The following MAD1L1 variants were observed in gnomAD, a reference collection of about 807,000 sequenced individuals.
The protein encoded by MAD1L1 is mitotic spindle assembly checkpoint protein MAD1.
A neutral mutation model predicts 96.9 loss-of-function variants in MAD1L1; 95 were observed. That is an observed-to-expected ratio of 0.98 (90% CI 0.83 to 1.16). MAD1L1 has a LOEUF of 1.16. Among genes scored for constraint, MAD1L1 ranks in the 50% most tolerant of loss-of-function variants. The probability of loss-of-function intolerance (pLI) is 0.00; values close to 1 mark genes in which losing one functional copy is unlikely to be tolerated. For missense variants in MAD1L1, 1,007 were observed against 954.4 expected (o/e 1.06, Z -0.73); for synonymous variants, 473 against 396.6 (o/e 1.19, Z -2.29).
At chr7:1,902,604 C>T (rs943882355) in intron 17 of MAD1L1, among the ~76,000 whole-genome samples, 7 of 152,254 alleles carry the variant, frequency 4.6e-5, no homozygotes, top group Admixed American at 2.0e-4. Context: ...TGTCCACTTC[C>T]GCCCTTCCCC....
chr7:2,191,536 G>C (rs1366632142), intron 10 of MAD1L1, among the ~76,000 whole-genome samples: 1 of 152,140 alleles, frequency 6.6e-6, no homozygotes, highest in Non-Finnish European at 1.5e-5. Flanking sequence ...TTCGAGACCA[G>C]TCTGGCCAAC....
At chr7:2,131,390 G>A (rs575424215) in intron 11 of MAD1L1, among the ~76,000 whole-genome samples, 4 of 152,326 alleles carry the variant, frequency 2.6e-5, no homozygotes, top group South Asian at 4.1e-4. Context: ...GAGGAAATAC[G>A]GAAAGGCAGT....
At chr7:2,196,819 C>G (rs1004513514) in intron 10 of MAD1L1, among the ~76,000 whole-genome samples, 1 of 152,214 alleles carries the variant, frequency 6.6e-6, no homozygotes, top group Non-Finnish European at 1.5e-5. Flanking sequence ...ACTCTCACTA[C>G]AACGCGGCTG....
At chr7:2,105,256 G>A (rs1435836086) in intron 11 of MAD1L1, among the ~76,000 whole-genome samples, 5 of 152,090 alleles carry the variant, frequency 3.3e-5, no homozygotes, top group South Asian at 2.1e-4. Flanking sequence ...ACTAACACAC[G>A]AGCTGGCTTC....
intron 11 of MAD1L1, among the ~76,000 whole-genome samples, chr7:2,096,368 G>C (rs916626853): frequency 2.0e-5 from 3 of 152,188 alleles, no homozygotes; most frequent in African/African-American, 4.8e-5. Context: ...GGGTGGCGGG[G>C]CTCATGCCTG....
At chr7:1,985,847 C>G (rs1160571140) in intron 14 of MAD1L1, among the ~76,000 whole-genome samples, 1 of 152,194 alleles carries the variant, frequency 6.6e-6, no homozygotes, top group Non-Finnish European at 1.5e-5. Context: ...CATGCAACCC[C>G]CGGCCTCACC....
chr7:2,211,988 G>C (rs892685622), intron 10 of MAD1L1, among the ~76,000 whole-genome samples: 1 of 152,180 alleles, frequency 6.6e-6, no homozygotes, highest in Non-Finnish European at 1.5e-5. Context: ...CCTGAGCCCC[G>C]GGCTCTGATG....
chr7:2,067,663 C>T (rs905765946), intron 12 of MAD1L1, among the ~76,000 whole-genome samples: 13 of 152,246 alleles, frequency 8.5e-5, no homozygotes, highest in African/African-American at 2.9e-4. Context: ...GGCCTGTGGG[C>T]CCAAGCCGCT....
At chr7:2,071,010 G>A (rs142293544) in intron 11 of MAD1L1, among the ~76,000 whole-genome samples, 1,567 of 152,006 alleles carry the variant, frequency 0.01, 22 homozygotes, top group African/African-American at 0.036. Flanking sequence ...TCATCCCAGG[G>A]CTGGTGGATG....
At chr7:2,170,223 C>T (rs1274582403) in intron 10 of MAD1L1, among the ~76,000 whole-genome samples, 3 of 152,220 alleles carry the variant, frequency 2.0e-5, no homozygotes, top group Non-Finnish European at 4.4e-5. Flanking sequence ...AAGAAGGCAG[C>T]CCTGCCTCCT....
At chr7:2,014,217 G>A (rs183456803) in intron 13 of MAD1L1, among the ~76,000 whole-genome samples, 5 of 152,296 alleles carry the variant, frequency 3.3e-5, no homozygotes, top group African/African-American at 1.2e-4. Context: ...ATCATGAGGC[G>A]GTCCTAACCA....
chr7:2,232,306 G>A (rs1794234754), intron 1 of MAD1L1, among the ~76,000 whole-genome samples: 1 of 152,254 alleles, frequency 6.6e-6, no homozygotes, highest in Non-Finnish European at 1.5e-5. Context: ...AGGCAGGCCC[G>A]CCTGGAAGGA....
intron 11 of MAD1L1, among the ~76,000 whole-genome samples, chr7:2,108,815 A>T (rs965840680): frequency 6.6e-6 from 1 of 152,234 alleles, no homozygotes; most frequent in South Asian, 2.1e-4. Flanking sequence ...GGGACGCGGC[A>T]GGAGCGGCTG....
At chr7:1,873,183 G>T (rs1051994812) in intron 18 of MAD1L1, among the ~76,000 whole-genome samples, 1 of 152,210 alleles carries the variant, frequency 6.6e-6, no homozygotes, top group Non-Finnish European at 1.5e-5. Context: ...TTTCATAAGG[G>T]GGGCCTTGAC....
At chr7:2,231,526 G>GA (rs1400852075) in intron 1 of MAD1L1, among the ~76,000 whole-genome samples, 1 of 151,880 alleles carries the variant, frequency 6.6e-6, no homozygotes, top group Admixed American at 6.6e-5. Flanking sequence ...AGATTTTCTT[G>GA]AACCCAGGAG....
At chr7:1,931,057 C>T (rs1398789126) in intron 17 of MAD1L1, among the ~76,000 whole-genome samples, 5 of 140,212 alleles carry the variant, frequency 3.6e-5, no homozygotes, top group East Asian at 2.0e-4. Context: ...ACGGGAACAC[C>T]CCCAACTCCT....
At chr7:2,072,897 G>C (rs1785202470) in intron 11 of MAD1L1, among the ~76,000 whole-genome samples, 1 of 152,216 alleles carries the variant, frequency 6.6e-6, no homozygotes. Flanking sequence ...GGGCACATGT[G>C]GGGCTGGAGT....
chr7:1,929,802 C>CAT (rs1562532720), intron 17 of MAD1L1, among the ~76,000 whole-genome samples: 35 of 101,134 alleles, frequency 3.5e-4, no homozygotes, highest in East Asian at 1.4e-3. Flanking sequence ...TCCCCTCGCC[C>CAT]CGTCCCCACT....
At chr7:1,878,731 TCCC>T (rs35603667) in intron 18 of MAD1L1, among the ~76,000 whole-genome samples, 47,037 of 128,962 alleles carry the variant, frequency 0.36, 8,486 homozygotes, top group East Asian at 0.51. Flanking sequence ...GGTAAAAATG[TCCC>T]CCCCCCCCCA....
Sources: gnomAD v4.1 joint callset for allele counts (sites outside exome capture counted in the v4.1 genomes callset) on GRCh38, gnomAD v4.1.1 for gene constraint, MANE v1.5 for transcripts, NCBI Gene and HGNC (gene_info 2026-07-23, HGNC 2026-07-21) for gene names.